The following PDE1A variants were observed in gnomAD, a reference collection of about 807,000 sequenced individuals.
PDE1A encodes the protein dual specificity calcium/calmodulin-dependent 3',5'-cyclic nucleotide phosphodiesterase 1A.
PDE1A carries 35 observed loss-of-function variants against 61.7 expected under a neutral mutation model. The observed-to-expected ratio is 0.57, with a 90% CI of 0.43 to 0.75. PDE1A has a LOEUF of 0.75. PDE1A is among the 30% of genes least tolerant of loss of function. PDE1A has a pLI of 0.00. For synonymous variants in PDE1A, 232 were observed against 213.2 expected (o/e 1.09, Z -0.77); for missense variants, 597 against 630.6 (o/e 0.95, Z 0.57).
rs545007418 is a variant in PDE1A at position 182,487,276 on chromosome 2, C to T, written c.101+35000G>A. On this transcript the variant is annotated intron_variant, in intron 2 of 14. Transcript: ENST00000410103. ...TTAAAACTGCCGTACCAGGTGCCAG[C>T]GAGAAAGTGAAGAAGGTGGAACTCT... Among the ~76,000 whole-genome samples the T allele has an allele frequency of 1.6e-4, 25 of 152,118 alleles. No individual in the cohort carries two copies. The East Asian group carries it at 4.6e-3, about 28-fold the overall frequency.
At chr2:182,549,549 C>G in the PDE1A span, among the ~76,000 whole-genome samples, 6 of 152,010 alleles carry the variant, frequency 3.9e-5, no homozygotes, top group South Asian at 1.2e-3. Context: ...CAAATTTGAA[C>G]AAATTGTGTA....
intron 2 of PDE1A, among the ~76,000 whole-genome samples, chr2:182,475,866 C>T (rs1335058750): frequency 1.3e-5 from 2 of 151,908 alleles, no homozygotes; most frequent in Admixed American, 6.6e-5. Context: ...CAATGAATTT[C>T]TGTTCACTGG....
At chr2:182,449,063 C>T (rs1430003479) in intron 2 of PDE1A, among the ~76,000 whole-genome samples, 1 of 150,586 alleles carries the variant, frequency 6.6e-6, no homozygotes, top group Non-Finnish European at 1.5e-5. Flanking sequence ...CACACACACA[C>T]ACACACACAC....
intron 1 of PDE1A, among the ~76,000 whole-genome samples, chr2:182,279,340 C>A (rs766017104): frequency 4.0e-5 from 6 of 151,896 alleles, no homozygotes; most frequent in Non-Finnish European, 5.9e-5. Context: ...ATAGAGAAAT[C>A]TTATCAGTCT....
At chr2:182,688,917 C>G in the PDE1A span, among the ~76,000 whole-genome samples, 2 of 152,040 alleles carry the variant, frequency 1.3e-5, no homozygotes, top group African/African-American at 4.8e-5. Context: ...CAACAAAGAT[C>G]AAAAGGACAA....
intron 1 of PDE1A, among the ~76,000 whole-genome samples, chr2:182,293,855 G>A (rs1275960363): frequency 1.3e-5 from 2 of 152,134 alleles, no homozygotes; most frequent in African/African-American, 4.8e-5. Flanking sequence ...GTGAAGTGAG[G>A]TGAATGACAT....
the PDE1A span, among the ~76,000 whole-genome samples, chr2:182,660,982 C>A: frequency 6.6e-6 from 1 of 152,204 alleles, no homozygotes; most frequent in African/African-American, 2.4e-5. Context: ...AGTAGCAGAA[C>A]TGTGGAATCT....
chr2:182,339,267 T>G (rs1289275072), intron 1 of PDE1A, among the ~76,000 whole-genome samples: 1 of 152,050 alleles, frequency 6.6e-6, no homozygotes, highest in Non-Finnish European at 1.5e-5. Flanking sequence ...AAAGGTGCAT[T>G]TTTTTTACCC....
intron 1 of PDE1A, among the ~76,000 whole-genome samples, chr2:182,332,239 TA>T (rs1341629707): frequency 6.6e-6 from 1 of 152,230 alleles, no homozygotes; most frequent in African/African-American, 2.4e-5. Flanking sequence ...TTATTCTACT[TA>T]GCAATTCCTC....
the PDE1A span, among the ~76,000 whole-genome samples, chr2:182,618,994 C>A: frequency 1.3e-5 from 2 of 150,600 alleles, no homozygotes; most frequent in Non-Finnish European, 2.9e-5. Context: ...CTTCGTCCAG[C>A]GCCAGTTAGT....
the PDE1A span, among the ~76,000 whole-genome samples, chr2:182,705,485 A>G: frequency 1.3e-5 from 2 of 152,120 alleles, no homozygotes; most frequent in Non-Finnish European, 2.9e-5. Flanking sequence ...CTATAAATTA[A>G]TCTTCATGAG....
At chr2:182,297,640 C>T (rs1340022881) in intron 1 of PDE1A, among the ~76,000 whole-genome samples, 2 of 152,196 alleles carry the variant, frequency 1.3e-5, no homozygotes, top group South Asian at 2.1e-4. Flanking sequence ...AGTGCCTTGC[C>T]CATATCTGTT....
intron 10 of PDE1A, among the ~76,000 whole-genome samples, chr2:182,200,516 G>A (rs757038203): frequency 3.3e-5 from 5 of 152,268 alleles, no homozygotes; most frequent in Admixed American, 2.6e-4. Context: ...GGTGGTACTC[G>A]CTAACTCCAC....
chr2:182,598,187 T>C, the PDE1A span, among the ~76,000 whole-genome samples: 5 of 152,378 alleles, frequency 3.3e-5, no homozygotes, highest in Non-Finnish European at 5.9e-5. Context: ...TTCCTTCTTC[T>C]GTTCAACCCT....
intron 2 of PDE1A, among the ~76,000 whole-genome samples, chr2:182,434,956 G>C (rs10198216): frequency 6.6e-6 from 1 of 151,802 alleles, no homozygotes; most frequent in South Asian, 2.1e-4. Context: ...CTAACTCCCC[G>C]GTCATTTAAA....
At chr2:182,626,788 TATAC>T in the PDE1A span, among the ~76,000 whole-genome samples, 19 of 5,614 alleles carry the variant, frequency 3.4e-3, 1 homozygote, top group South Asian at 7.7e-3. Flanking sequence ...TATACATATA[TATAC>T]ATATATATAC....
chr2:182,287,359 G>T (rs1694234295), intron 1 of PDE1A, among the ~76,000 whole-genome samples: 1 of 152,078 alleles, frequency 6.6e-6, no homozygotes, highest in East Asian at 1.9e-4. Context: ...AAACTTATGA[G>T]AATTTGGTAG....
At chr2:182,265,275 G>C (rs1210823760) in intron 1 of PDE1A, among the ~76,000 whole-genome samples, 2 of 151,588 alleles carry the variant, frequency 1.3e-5, no homozygotes. Flanking sequence ...AAAAAATTAA[G>C]AAATAAAATT....
chr2:182,309,722 A>C (rs989298380), intron 1 of PDE1A, among the ~76,000 whole-genome samples: 6 of 152,146 alleles, frequency 3.9e-5, no homozygotes, highest in Middle Eastern at 3.2e-3. Flanking sequence ...AGATATATGC[A>C]GTCAGGTAAA....
Sources: allele counts gnomAD v4.1 joint callset (sites outside exome capture counted in the v4.1 genomes callset), GRCh38; gene constraint gnomAD v4.1.1; transcripts MANE v1.5; gene names NCBI Gene and HGNC (gene_info 2026-07-23, HGNC 2026-07-21).